The following RELCH variants were observed in gnomAD, a reference collection of about 807,000 sequenced individuals.
RELCH encodes the protein RAB11-binding protein RELCH.
Under a neutral mutation model 150.3 loss-of-function variants are expected in RELCH, and 41 were observed. The observed-to-expected ratio is 0.27, with a 90% CI of 0.21 to 0.35. The LOEUF is 0.35. Ranked by LOEUF, RELCH falls within the 10% of genes least tolerant of loss-of-function variation. RELCH has a pLI of 1.00. For missense variants in RELCH, 1,092 were observed against 1,467.8 expected (o/e 0.74, Z 4.18); for synonymous variants, 478 against 531.8 (o/e 0.90, Z 1.39).
intron 1 of RELCH, among the ~76,000 whole-genome samples, chr18:62,207,929 A>G (rs2039914615): frequency 6.6e-6 from 1 of 152,216 alleles, no homozygotes; most frequent in Admixed American, 6.5e-5. Flanking sequence ...ATGTAGCCTT[A>G]TGTGTCTAGC....
intron 25 of RELCH, among the ~76,000 whole-genome samples, chr18:62,284,840 CTT>C (rs2044707007): frequency 6.6e-6 from 1 of 151,934 alleles, no homozygotes; most frequent in East Asian, 1.9e-4. Context: ...GACCTTTGGT[CTT>C]GTTTTTATTT....
rs1600112782 is a variant in RELCH, at chr18:62,257,832, A to T, written c.1897-116A>T. ...CATCAACAGTTAGTCAGCATTTTTA[A>T]TAAAAATGTTAATACCTGTTTAATC... On this transcript the variant is annotated intron_variant, in intron 13 of 28. Transcript: ENST00000644646. 5.1e-6 allele frequency: 4 copies of T among 791,318 alleles called. No individual in the cohort carries two copies. The East Asian group carries it at 1.2e-4, about 24-fold the overall frequency. The allele number at this position is 791,318 out of a possible 1,614,324, so 49.0% of individuals were successfully genotyped here.
At chr18:62,228,995 C>CT (rs886212015) in intron 8 of RELCH, among the ~76,000 whole-genome samples, 3 of 151,442 alleles carry the variant, frequency 2.0e-5, no homozygotes, top group South Asian at 2.1e-4. Flanking sequence ...TTTGCTCCTA[C>CT]TTTTTTTTTC....
In RELCH at chr18:62,305,619, T is replaced by G; in HGVS notation, c.*85T>G. The G allele has an allele frequency of 7.1e-7, 1 of 1,403,390 alleles. No homozygotes were observed. Among genetic ancestry groups the G allele is most frequent in the Non-Finnish European group, 9.6e-7 (1 of 1,039,300 alleles). 86.9% of individuals were successfully genotyped at this position (1,403,390 alleles called of 1,614,324 possible). ...TACTTGAAGTACTTGCCTTTTTTGT[T>G]TCCTCAGTTTTATGTTCTTGCATTA... On this transcript the variant is annotated 3_prime_UTR_variant, in exon 29 of 29. Transcript: ENST00000644646. This position sits in a 1 kb window ranked among gnomAD's most constrained non-coding sequence, Gnocchi z 4.0.
chr18:62,221,569 CT>C (rs61684460), intron 5 of RELCH, 72 bp downstream of exon 5: 87,330 of 445,728 alleles, frequency 0.2, 14 homozygotes, highest in Non-Finnish European at 0.22. Context: ...TACGTAGTTT[CT>C]TTTTTTTTTT....
At position 62,291,565 on chromosome 18, in the gene RELCH, T is replaced by A. The variant is rs1441192599; in HGVS notation, c.3393T>A (p.Val1131=). 7 of 1,610,126 alleles carry A rather than the reference T, an allele frequency of 4.3e-6. No individual in the cohort carries two copies. The highest frequency in any genetic ancestry group is 5.9e-6 in the Non-Finnish European group (7 of 1,177,858). ...AAGTCATTTCAGAGGATTTAATGGT[T>A]AATCACTTTTTACCTGGTCTCAGAT... ...SCCFISEDLM[V]NHFLPGLRCL... is the part of the protein sequence containing the mutation. The change falls in exon 27 of 29, where the codon GTT becomes GTA. Residue 1131 remains valine, a synonymous_variant. Coordinates refer to ENST00000644646, the MANE Select transcript of RELCH (RefSeq NM_001346231.2).
At chr18:62,217,316 A>T (rs1401893666) in intron 2 of RELCH, among the ~76,000 whole-genome samples, 2 of 151,992 alleles carry the variant, frequency 1.3e-5, no homozygotes, top group African/African-American at 4.8e-5. Context: ...TTCAGTCTTT[A>T]GGGTTTTAGG....
intron 1 of RELCH, among the ~76,000 whole-genome samples, chr18:62,199,000 C>A (rs2039238994): frequency 6.6e-6 from 1 of 151,522 alleles, no homozygotes; most frequent in Non-Finnish European, 1.5e-5. Flanking sequence ...TTATTCTACT[C>A]ACATTGTTTC....
At chr18:62,281,036 A>G (rs2044487282) in intron 24 of RELCH, among the ~76,000 whole-genome samples, 1 of 152,052 alleles carries the variant, frequency 6.6e-6, no homozygotes, top group Non-Finnish European at 1.5e-5. Context: ...CCTCTTTTCT[A>G]CTTATCACTA....
Position 62,279,802 on chromosome 18 carries a change from T to C in RELCH, c.2996T>C (p.Leu999Pro), listed in dbSNP as rs1177036417. 3 of 1,535,736 alleles carry C rather than the reference T, an allele frequency of 2.0e-6. No homozygotes were observed. The highest frequency in any genetic ancestry group is 2.6e-6 in the Non-Finnish European group (3 of 1,146,678). Reference sequence around the variant, plus strand: ...TTGGTGAAGGGGGTGAATGAAACTCTGGTAGCTCAGAGGGTTGTTCCTGCT... The same window carrying C: ...TTGGTGAAGGGGGTGAATGAAACTCCGGTAGCTCAGAGGGTTGTTCCTGCT... ...ELLVKGVNET[L>P]VAQRVVPALI... Residue 999 changes from leucine to proline, a missense_variant, in exon 23 of 29, where the codon CTG becomes CCG. Transcript: ENST00000644646.
chr18:62,221,619 T>C (rs2040881443), intron 5 of RELCH, 122 bp downstream of exon 5: 1 of 475,652 alleles, frequency 2.1e-6, no homozygotes, highest in Non-Finnish European at 3.7e-6. Context: ...ACAAGGCTAG[T>C]TACTAGAACA....
intron 1 of RELCH, among the ~76,000 whole-genome samples, chr18:62,204,094 C>CA (rs1268847083): frequency 1.3e-5 from 2 of 151,956 alleles, no homozygotes; most frequent in Non-Finnish European, 2.9e-5. Context: ...GAAATTCAAG[C>CA]AAAAAATTTG....
chr18:62,275,577 A>G (rs1277505276), intron 22 of RELCH, 104 bp downstream of exon 22: 1 of 713,834 alleles, frequency 1.4e-6, no homozygotes, highest in Non-Finnish European at 2.5e-6. Context: ...ATATCATGTT[A>G]TGTTGATATA....
rs1249248026 is a variant in RELCH at position 62,227,693 on chromosome 18, A to G, written c.1154+4A>G. 5 of 1,426,232 alleles carry G rather than the reference A, an allele frequency of 3.5e-6. No homozygotes were observed. The highest frequency in any genetic ancestry group is 4.8e-6 in the Non-Finnish European group (5 of 1,032,336). 88.3% of individuals were successfully genotyped at this position (1,426,232 alleles called of 1,614,324 possible). ...AGCAAATCAGAAGACTTAAAAGGTT[A>G]GTACTTGATCATTATTCCTAAAAAT... On this transcript the variant is annotated splice_donor_region_variant and intron_variant, in intron 7 of 28. Transcript: ENST00000644646.
At chr18:62,190,656 T>C (rs2038565182) in intron 1 of RELCH, among the ~76,000 whole-genome samples, 1 of 152,150 alleles carries the variant, frequency 6.6e-6, no homozygotes, top group Non-Finnish European at 1.5e-5. Context: ...TCATTCAATA[T>C]CCTTACTTCC....
In RELCH at chr18:62,187,395, G is replaced by C; in HGVS notation, c.-111G>C. 4 of 1,045,254 alleles carry C rather than the reference G, an allele frequency of 3.8e-6. No individual in the cohort carries two copies. Among genetic ancestry groups the C allele is most frequent in the Non-Finnish European group, 5.3e-6 (4 of 760,490 alleles). 64.7% of individuals were successfully genotyped at this position (1,045,254 alleles called of 1,614,324 possible). A position where few individuals can be genotyped will look rare whatever the true frequency, so the allele number is the denominator to read the frequency against. On this transcript the variant is annotated 5_prime_UTR_variant, in exon 1 of 29. Coordinates refer to ENST00000644646, the MANE Select transcript of RELCH (RefSeq NM_001346231.2). Reference sequence around the variant, plus strand: ...TTGTCTCTAAGTCGGGAGGCAGGACGTGGTCAGGCCGGGGCTGTGGAGGTG... The same window carrying C: ...TTGTCTCTAAGTCGGGAGGCAGGACCTGGTCAGGCCGGGGCTGTGGAGGTG...
chr18:62,220,352 C>T (rs2040772364), intron 2 of RELCH, among the ~76,000 whole-genome samples: 1 of 141,776 alleles, frequency 7.1e-6, no homozygotes, highest in African/African-American at 2.6e-5. Context: ...AAATAAAACC[C>T]TTGGGGTTTT....
intron 8 of RELCH, among the ~76,000 whole-genome samples, chr18:62,229,518 G>GTGTGTGTGTGTCTGTC (rs539055675): frequency 2.1e-3 from 308 of 147,726 alleles, no homozygotes; most frequent in South Asian, 7.4e-3. Flanking sequence ...GTGTGTGTGT[G>GTGTGTGTGTGTCTGTC]TGTCTGTCTG....
chr18:62,196,592 A>G lies in RELCH; in HGVS notation c.526+8561A>G, dbSNP rs184054526. Among the ~76,000 whole-genome samples, 4 of 152,290 alleles carry G rather than the reference A, an allele frequency of 2.6e-5. No individual in the cohort carries two copies. In the East Asian group the frequency reaches 5.8e-4, roughly 22 times the overall value. Reference sequence around the variant, plus strand: ...TTTTACCTGAATTAGACTTTCCACTATTCTCTGGGCCATAGACGTTCCTAA... The same window carrying G: ...TTTTACCTGAATTAGACTTTCCACTGTTCTCTGGGCCATAGACGTTCCTAA... On this transcript the variant is annotated intron_variant, in intron 1 of 28. Coordinates refer to ENST00000644646, the MANE Select transcript of RELCH (RefSeq NM_001346231.2).
Sources: allele counts gnomAD v4.1 joint callset (sites outside exome capture counted in the v4.1 genomes callset), GRCh38; gene constraint gnomAD v4.1.1; non-coding constraint Gnocchi (gnomAD v3.1); transcripts MANE v1.5; gene names NCBI Gene and HGNC (gene_info 2026-07-23, HGNC 2026-07-21).